The following ZNF423 variants were observed in gnomAD, a reference collection of about 807,000 sequenced individuals.
ZNF423 encodes zinc finger protein 423.
ZNF423 carries 12 observed loss-of-function variants against 95.8 expected under a neutral mutation model. The observed-to-expected ratio is 0.13, with a 90% CI of 0.08 to 0.20. The LOEUF (loss-of-function observed/expected upper bound fraction) is 0.20. Among genes scored for constraint, ZNF423 ranks in the 10% least tolerant of loss-of-function variants. ZNF423 has a pLI of 1.00. For missense variants in ZNF423, 1,316 were observed against 1,737.1 expected (o/e 0.76, Z 4.31); for synonymous variants, 749 against 711.9 (o/e 1.05, Z -0.83).
chr16:49,686,261 A>G (rs578225972), intron 3 of ZNF423, among the ~76,000 whole-genome samples: 10 of 152,196 alleles, frequency 6.6e-5, no homozygotes, highest in Non-Finnish European at 1.0e-4. Flanking sequence ...CATATTAATT[A>G]TGAAAGTCCT....
chr16:49,722,405 G>A (rs118013752), intron 3 of ZNF423, among the ~76,000 whole-genome samples: 3 of 152,286 alleles, frequency 2.0e-5, no homozygotes, highest in Non-Finnish European at 2.9e-5. Context: ...GACCACCACA[G>A]CACTTCATCA....
chr16:49,744,479 C>T (rs1187090749), intron 2 of ZNF423, among the ~76,000 whole-genome samples: 2 of 151,936 alleles, frequency 1.3e-5, no homozygotes, highest in Non-Finnish European at 2.9e-5. Context: ...TGTCCCCAGG[C>T]CCAGCACACA....
intron 3 of ZNF423, chr16:49,708,175 C>T (rs116460724): frequency 2.0e-5 from 3 of 149,136 alleles, no homozygotes; most frequent in Non-Finnish European, 3.0e-5. Flanking sequence ...AGCTACGGAA[C>T]CTGCCGGCAG....
intron 2 of ZNF423, 28 bp downstream of exon 2, chr16:49,789,459 A>T (rs1352551266): frequency 1.2e-6 from 2 of 1,607,146 alleles, no homozygotes; most frequent in Non-Finnish European, 1.7e-6. Context: ...ACCCCCTGCA[A>T]CTCTTCCACC....
intron 5 of ZNF423, among the ~76,000 whole-genome samples, chr16:49,620,137 A>C (rs1170015669): frequency 7.0e-6 from 1 of 143,010 alleles, no homozygotes; most frequent in Non-Finnish European, 1.5e-5. Context: ...TCTTCTACAC[A>C]CACACACACA....
At chr16:49,515,894 G>C (rs543862532) in intron 7 of ZNF423, among the ~76,000 whole-genome samples, 1 of 152,134 alleles carries the variant, frequency 6.6e-6, no homozygotes, top group Non-Finnish European at 1.5e-5. Flanking sequence ...GGGCAGAGGC[G>C]ACCCCTCCCC....
chr16:49,683,101 A>G (rs954461886), intron 3 of ZNF423, among the ~76,000 whole-genome samples: 2 of 152,154 alleles, frequency 1.3e-5, no homozygotes, highest in African/African-American at 4.8e-5. Flanking sequence ...TCTCCCCAGT[A>G]ATAATCTTAT....
chr16:49,850,158 G>A (rs1042200940), intron 1 of ZNF423, among the ~76,000 whole-genome samples: 1 of 152,140 alleles, frequency 6.6e-6, no homozygotes, highest in Non-Finnish European at 1.5e-5. Context: ...GGCTGCCACC[G>A]ATCCTGGCAG....
intron 1 of ZNF423, among the ~76,000 whole-genome samples, chr16:49,793,762 C>T (rs113703554): frequency 1.3e-5 from 2 of 151,916 alleles, no homozygotes; most frequent in South Asian, 2.1e-4. Context: ...TGACACAGAG[C>T]GGAGGCATGA....
intron 7 of ZNF423, among the ~76,000 whole-genome samples, chr16:49,521,003 C>G (rs567475279): frequency 1.3e-5 from 2 of 152,252 alleles, no homozygotes; most frequent in African/African-American, 4.8e-5. Context: ...TAAAGCTTAA[C>G]GGGATGACCC....
chr16:49,842,461 A>T (rs1323790470), intron 1 of ZNF423, among the ~76,000 whole-genome samples: 1 of 150,550 alleles, frequency 6.6e-6, no homozygotes, highest in East Asian at 2.0e-4. Context: ...CCATAAACAT[A>T]AAAGGCCAGG....
chr16:49,670,631 C>T (rs1013163820), intron 3 of ZNF423, among the ~76,000 whole-genome samples: 4 of 152,142 alleles, frequency 2.6e-5, no homozygotes, highest in Admixed American at 2.6e-4. Flanking sequence ...ATCTGCATCT[C>T]GGGGACGCCT....
chr16:49,617,920 C>T (rs1971930099), intron 5 of ZNF423, among the ~76,000 whole-genome samples: 1 of 152,164 alleles, frequency 6.6e-6, no homozygotes, highest in African/African-American at 2.4e-5. Flanking sequence ...CCTGGAAACA[C>T]TGCTCCTTCA....
rs571206580 is a variant in ZNF423, at chr16:49,575,966, G to T, written c.3601+50204C>A. Among the ~76,000 whole-genome samples, 7 of 152,224 alleles carry T rather than the reference G, an allele frequency of 4.6e-5. No homozygotes were observed. In the East Asian group the frequency reaches 1.4e-3, roughly 29 times the overall value. On this transcript the variant is annotated intron_variant, in intron 5 of 7. Coordinates refer to ENST00000563137, the MANE Select transcript of ZNF423 (RefSeq NM_001379286.1). ...AAAGGCCAAACTCTGTCTTAGGGTG[G>T]GGTCCTTTTTCTCCCCTGGCTCTCT...
intron 2 of ZNF423, among the ~76,000 whole-genome samples, chr16:49,777,956 TGC>T (rs2034147959): frequency 6.6e-6 from 1 of 152,168 alleles, no homozygotes; most frequent in Non-Finnish European, 1.5e-5. Flanking sequence ...TCCACAAGCT[TGC>T]CAGGTTTGCA....
chr16:49,667,450 A>T (rs1489116280), intron 3 of ZNF423, among the ~76,000 whole-genome samples: 1 of 152,280 alleles, frequency 6.6e-6, no homozygotes, highest in Non-Finnish European at 1.5e-5. Context: ...GGGTAAAAAG[A>T]GGAACCAACT....
chr16:49,856,231 C>CCTCCTCCTCCTT (rs1429691731), upstream of ZNF423: 3 of 141,252 alleles, frequency 2.1e-5, no homozygotes, highest in Non-Finnish European at 3.1e-5. Flanking sequence ...CCACCCTCAC[C>CCTCCTCCTCCTT]CTCCTCCTCC....
chr16:49,520,403 G>A (rs1030546872), intron 7 of ZNF423, among the ~76,000 whole-genome samples: 3 of 97,368 alleles, frequency 3.1e-5, no homozygotes, highest in East Asian at 2.6e-4. Context: ...TCCTGTTAAC[G>A]CAACCTAAGA....
At chr16:49,600,609 G>A (rs1215574916) in intron 5 of ZNF423, among the ~76,000 whole-genome samples, 1 of 152,128 alleles carries the variant, frequency 6.6e-6, no homozygotes, top group Non-Finnish European at 1.5e-5. Context: ...GGGGAGATGA[G>A]GCCCAGCAGG....
Sources: gnomAD v4.1 joint callset for allele counts (sites outside exome capture counted in the v4.1 genomes callset) on GRCh38, gnomAD v4.1.1 for gene constraint, MANE v1.5 for transcripts, NCBI Gene and HGNC (gene_info 2026-07-23, HGNC 2026-07-21) for gene names.